NRP1: variants seen among roughly 807,000 people sequenced by gnomAD.
NRP1 encodes the protein neuropilin-1.
In NRP1, 35 loss-of-function variants were observed where a neutral mutation model predicts 106.7. The observed-to-expected ratio is 0.33, with a 90% confidence interval of 0.25 to 0.43. The LOEUF (loss-of-function observed/expected upper bound fraction) is 0.43. Among genes scored for constraint, NRP1 ranks in the 20% least tolerant of loss-of-function variants. The pLI is 1.00. For synonymous variants in NRP1, 437 were observed against 417.9 expected (o/e 1.05, Z -0.56); for missense variants, 1,024 against 1,170.4 (o/e 0.87, Z 1.83).
At chr10:33,195,437 G>A in intron 12 of NRP1, 1 of 523,426 alleles carries the variant, frequency 1.9e-6, no homozygotes, top group South Asian at 1.4e-5. Context: ...TATGCCCATG[G>A]AGTTTATTAT....
In NRP1 at chr10:33,213,520, T is replaced by C; in HGVS notation, c.1480A>G (p.Ile494Val). 1 of 1,614,036 alleles carries C rather than the reference T, an allele frequency of 6.2e-7. No individual in the cohort carries two copies. Among genetic ancestry groups the C allele is most frequent in the Non-Finnish European group, 8.5e-7 (1 of 1,179,994 alleles). ...CCCTGAATGATGATGCCCCTCACGA[T>C]CTTCTCCTCCCCCAGGTCTATTTGG... ...WLQIDLGEEKIVRGIIIQGGK... is the reference protein window; with the variant it reads ...WLQIDLGEEKVVRGIIIQGGK... The change falls in exon 9 of 17, where the codon ATC becomes GTC. Residue 494 changes from isoleucine (I) to valine (V), a missense_variant. This residue lies in a region of NRP1 where 562 missense variants were observed against 620.3 expected (regional missense o/e 0.91). Coordinates refer to ENST00000374867, the MANE Select transcript of NRP1 (RefSeq NM_003873.7).
chr10:33,306,594 ATTAT>A (rs1319873942), intron 2 of NRP1, among the ~76,000 whole-genome samples: 1 of 120,524 alleles, frequency 8.3e-6, no homozygotes, highest in Non-Finnish European at 1.8e-5. Context: ...ATTAAGACAT[ATTAT>A]TTCAGAAATT....
chr10:33,209,413 C>T (rs747801676), intron 9 of NRP1, among the ~76,000 whole-genome samples: 9 of 152,198 alleles, frequency 5.9e-5, no homozygotes, highest in Admixed American at 4.6e-4. Context: ...CCTTAACTGG[C>T]GCCCTTAACC....
chr10:33,332,878 AGTGTGT>A (rs34920873), intron 1 of NRP1, among the ~76,000 whole-genome samples: 1 of 149,928 alleles, frequency 6.7e-6, no homozygotes, highest in Non-Finnish European at 1.5e-5. Context: ...AAAACTAAGA[AGTGTGT>A]GTGTGTGTGT....
intron 2 of NRP1, among the ~76,000 whole-genome samples, chr10:33,308,128 T>C (rs1371338462): frequency 1.3e-5 from 2 of 151,956 alleles, no homozygotes; most frequent in East Asian, 1.9e-4. Context: ...GAAAATAAAA[T>C]AGTGCATGTT....
intron 4 of NRP1, among the ~76,000 whole-genome samples, chr10:33,261,638 G>A (rs1049024511): frequency 6.6e-6 from 1 of 152,104 alleles, no homozygotes; most frequent in East Asian, 1.9e-4. Flanking sequence ...TCTAAACCTG[G>A]TTTTTTTCTA....
chr10:33,318,994 TTTTC>T (rs1265589824), intron 2 of NRP1, among the ~76,000 whole-genome samples: 10 of 132,710 alleles, frequency 7.5e-5, no homozygotes, highest in Non-Finnish European at 1.6e-4. Flanking sequence ...AGAACTTTTC[TTTTC>T]TTTCTTTTTT....
intron 6 of NRP1, among the ~76,000 whole-genome samples, chr10:33,249,788 G>T (rs1036442769): frequency 1.3e-5 from 2 of 152,046 alleles, no homozygotes; most frequent in South Asian, 4.2e-4. Flanking sequence ...CTTCCTTCAC[G>T]CTCCTTCTCA....
intron 2 of NRP1, among the ~76,000 whole-genome samples, chr10:33,274,725 A>G (rs1329514667): frequency 6.6e-6 from 1 of 152,130 alleles, no homozygotes; most frequent in Non-Finnish European, 1.5e-5. Flanking sequence ...GGACATTCTC[A>G]CATTATTAGG....
intron 2 of NRP1, among the ~76,000 whole-genome samples, chr10:33,275,707 G>A (rs1843639974): frequency 6.6e-6 from 1 of 151,328 alleles, no homozygotes; most frequent in Admixed American, 6.6e-5. Flanking sequence ...AGACGAGCCT[G>A]AGCAACAAAG....
intron 12 of NRP1, among the ~76,000 whole-genome samples, chr10:33,196,086 T>A (rs1412565334): frequency 2.0e-5 from 3 of 152,170 alleles, no homozygotes; most frequent in East Asian, 3.9e-4. Context: ...CTGACAATAT[T>A]GACCTTCAAC....
intron 2 of NRP1, among the ~76,000 whole-genome samples, chr10:33,316,573 A>C (rs1273295452): frequency 6.6e-6 from 1 of 152,200 alleles, no homozygotes; most frequent in East Asian, 1.9e-4. Context: ...TCAGAGGAAA[A>C]ATTCAGGGCA....
chr10:33,213,159 A>G, intron 9 of NRP1: 1 of 1,239,242 alleles, frequency 8.1e-7, no homozygotes. Context: ...CCCTACAGCC[A>G]GGGAATGGGA....
At chr10:33,285,204 G>C (rs537655295) in intron 2 of NRP1, among the ~76,000 whole-genome samples, 2 of 152,174 alleles carry the variant, frequency 1.3e-5, no homozygotes, top group African/African-American at 4.8e-5. Context: ...CCTCTAGTTT[G>C]TCTCCCTGAG....
At chr10:33,308,215 T>TG (rs1264394461) in intron 2 of NRP1, among the ~76,000 whole-genome samples, 6 of 151,854 alleles carry the variant, frequency 4.0e-5, no homozygotes, top group African/African-American at 1.5e-4. Flanking sequence ...TACTTGAGGA[T>TG]GGAGGGTGGG....
intron 2 of NRP1, among the ~76,000 whole-genome samples, chr10:33,310,490 A>G (rs536515408): frequency 9.2e-4 from 140 of 151,896 alleles, no homozygotes; most frequent in African/African-American, 3.2e-3. Context: ...ACCTCAAGTG[A>G]TTCACTCGAC....
chr10:33,232,860 C>T, intron 6 of NRP1, among the ~76,000 whole-genome samples: 1 of 151,858 alleles, frequency 6.6e-6, no homozygotes. Context: ...GTTGGCCAGG[C>T]TGGTCTTGAA....
intron 2 of NRP1, among the ~76,000 whole-genome samples, chr10:33,292,996 A>G (rs1317089998): frequency 6.6e-6 from 1 of 151,776 alleles, no homozygotes; most frequent in South Asian, 2.1e-4. Flanking sequence ...AAAAAAAAAA[A>G]AAGCCCGCCA....
intron 2 of NRP1, among the ~76,000 whole-genome samples, chr10:33,310,974 T>C (rs1846567390): frequency 6.6e-6 from 1 of 152,174 alleles, no homozygotes; most frequent in South Asian, 2.1e-4. Flanking sequence ...AAGTCAGAGC[T>C]GACTTGGTTC....
Sources: gnomAD v4.1 joint callset for allele counts (sites outside exome capture counted in the v4.1 genomes callset) on GRCh38, gnomAD v4.1.1 for gene constraint, gnomAD v4.1.1 regional missense constraint, MANE v1.5 for transcripts, NCBI Gene and HGNC (gene_info 2026-07-23, HGNC 2026-07-21) for gene names.